The following KRABD2 variants were observed in gnomAD, a reference collection of about 807,000 sequenced individuals.
KRABD2 encodes the protein KRAB domain containing 2, also known as KRAB domain-containing protein 2.
chr17:8,374,628 TAAAAAAA>T, the KRABD2 span, among the ~76,000 whole-genome samples: 7 of 71,434 alleles, frequency 9.8e-5, no homozygotes, highest in Non-Finnish European at 1.6e-4. Context: ...CAATAAATAC[TAAAAAAA>T]AAAAAAAAAA....
the KRABD2 span, among the ~76,000 whole-genome samples, chr17:8,363,098 T>C: frequency 6.6e-6 from 1 of 152,162 alleles, no homozygotes; most frequent in Non-Finnish European, 1.5e-5. Flanking sequence ...ATTTAGCAAA[T>C]TGGCTAGGGG....
the KRABD2 span, chr17:8,370,430 TC>T: frequency 7.8e-7 from 1 of 1,277,932 alleles, no homozygotes; most frequent in Non-Finnish European, 1.1e-6. Context: ...TCACTGACAC[TC>T]CCACCTGGAA....
chr17:8,364,666 T>C, the KRABD2 span, among the ~76,000 whole-genome samples: 1 of 152,094 alleles, frequency 6.6e-6, no homozygotes, highest in South Asian at 2.1e-4. This position sits in a 1 kb window ranked among gnomAD's most constrained non-coding sequence, Gnocchi z 4.4. Flanking sequence ...TGCCGAGTTC[T>C]CAAGAGGTGC....
chr17:8,369,930 A>G, the KRABD2 span: 2 of 1,614,104 alleles, frequency 1.2e-6, no homozygotes, highest in African/African-American at 2.7e-5. Flanking sequence ...ATATAAGACA[A>G]TAACTTCTTT....
chr17:8,363,685 A>G, the KRABD2 span, among the ~76,000 whole-genome samples: 1 of 151,186 alleles, frequency 6.6e-6, no homozygotes, highest in Non-Finnish European at 1.5e-5. Flanking sequence ...TTTCCATACC[A>G]GTATTTATTT....
chr17:8,368,104 A>C, the KRABD2 span, among the ~76,000 whole-genome samples: 2 of 151,892 alleles, frequency 1.3e-5, no homozygotes, highest in African/African-American at 2.4e-5. Context: ...ATGAAAAAAA[A>C]AATAAATAAA....
chr17:8,367,499 C>CA, the KRABD2 span, among the ~76,000 whole-genome samples: 379 of 101,650 alleles, frequency 3.7e-3, no homozygotes, highest in South Asian at 7.8e-3. Flanking sequence ...ATTCTGTCTC[C>CA]AAAAAAAAAA....
the KRABD2 span, among the ~76,000 whole-genome samples, chr17:8,363,175 G>A: frequency 6.6e-6 from 1 of 152,134 alleles, no homozygotes; most frequent in African/African-American, 2.4e-5. Flanking sequence ...AATAGAACTA[G>A]TGGAATACAG....
chr17:8,364,492 A>G, the KRABD2 span, among the ~76,000 whole-genome samples: 2 of 152,320 alleles, frequency 1.3e-5, no homozygotes, highest in Admixed American at 6.5e-5. This position sits in a 1 kb window ranked among gnomAD's most constrained non-coding sequence, Gnocchi z 4.4. Flanking sequence ...AGCTGGGATT[A>G]CAGGTACATG....
At chr17:8,373,154 CGT>C in the KRABD2 span, among the ~76,000 whole-genome samples, 1 of 30,096 alleles carries the variant, frequency 3.3e-5, no homozygotes, top group African/African-American at 1.1e-4. Flanking sequence ...TCCCTCTCTC[CGT>C]CTCCGTCTCC....
At chr17:8,369,188 AG>A in the KRABD2 span, 17 of 1,614,006 alleles carry the variant, frequency 1.1e-5, no homozygotes, top group African/African-American at 1.3e-4. Context: ...CTGAAGCTTC[AG>A]GAGTGGGATC....
the KRABD2 span, chr17:8,371,638 G>C: frequency 5.6e-5 from 80 of 1,423,012 alleles, no homozygotes; most frequent in Non-Finnish European, 7.4e-5. Context: ...ATGAGGGAAA[G>C]GAGTTTTGCT....
At chr17:8,359,942 G>C in the KRABD2 span, 1 of 413,254 alleles carries the variant, frequency 2.4e-6, no homozygotes, top group South Asian at 1.8e-5. Flanking sequence ...GGGTAGAGTG[G>C]GGAGGAGGAA....
At chr17:8,370,246 T>G in the KRABD2 span, 1 of 1,613,760 alleles carries the variant, frequency 6.2e-7, no homozygotes, top group Non-Finnish European at 8.5e-7. Flanking sequence ...TTGTAACTTT[T>G]GCTTTCTACT....
chr17:8,358,989 A>C, the KRABD2 span, among the ~76,000 whole-genome samples: 2 of 152,326 alleles, frequency 1.3e-5, no homozygotes, highest in African/African-American at 4.8e-5. Flanking sequence ...GTAATAAAAG[A>C]ATATCCTGGA....
the KRABD2 span, chr17:8,371,992 A>T: frequency 5.1e-6 from 5 of 985,782 alleles, no homozygotes; most frequent in Admixed American, 3.1e-4. Flanking sequence ...GGGAGTTCAC[A>T]TGAGGACTGC....
chr17:8,376,023 T>G, the KRABD2 span: 5 of 1,231,678 alleles, frequency 4.1e-6, no homozygotes, highest in Non-Finnish European at 5.1e-6. Context: ...TTGCCATCTC[T>G]CCTTCATCTC....
the KRABD2 span, chr17:8,369,454 C>A: frequency 6.2e-7 from 1 of 1,614,098 alleles, no homozygotes; most frequent in South Asian, 1.1e-5. Context: ...AATCGGAGGC[C>A]TTTGGCCCAG....
At chr17:8,367,830 C>T in the KRABD2 span, among the ~76,000 whole-genome samples, 1 of 151,610 alleles carries the variant, frequency 6.6e-6, no homozygotes, top group Admixed American at 6.6e-5. Flanking sequence ...GCACATCTTG[C>T]ACCGCCCTTA....
Sources: gnomAD v4.1 joint callset for allele counts (sites outside exome capture counted in the v4.1 genomes callset) on GRCh38, gnomAD v4.1.1 for gene constraint, Gnocchi (gnomAD v3.1) non-coding constraint, MANE v1.5 for transcripts, NCBI Gene and HGNC (gene_info 2026-07-23, HGNC 2026-07-21) for gene names.